SRGAP3: variants seen among roughly 807,000 people sequenced by gnomAD.
SRGAP3 encodes SLIT-ROBO Rho GTPase-activating protein 3.
In SRGAP3, 39 loss-of-function variants were observed where a neutral mutation model predicts 121.1. The ratio of observed to expected loss-of-function variants is 0.32; its 90% CI spans 0.25 to 0.42. The LOEUF is 0.42. Among genes scored for constraint, SRGAP3 ranks in the 10% least tolerant of loss-of-function variants. The probability of loss-of-function intolerance (pLI) is 1.00; values close to 1 mark genes in which losing one functional copy is unlikely to be tolerated. For synonymous variants in SRGAP3, 601 were observed against 570.0 expected, an observed-to-expected ratio of 1.05 and a Z score of -0.77; for missense variants, 1,213 against 1,470.6, an observed-to-expected ratio of 0.82 and a Z score of 2.86.
In SRGAP3 at chr3:8,992,940, T is replaced by C; in HGVS notation, c.2524A>G (p.Ile842Val). The part of the protein sequence containing the change: ...KNDLQSPTEH[I>V]SDYGFGGVMG... ...ACCCCCCCAAAGCCGTAATCCGAGA[T>C]GTGCTCCGTGGGGGACTGGAGGTCG... is the stretch of plus-strand genomic sequence containing the variant. The change falls in exon 20 of 22, where the codon ATC becomes GTC. Residue 842 changes from isoleucine to valine, a missense_variant. Around this residue, in one of 2 missense-constraint regions of SRGAP3, gnomAD observed 420 missense variants for 437.7 expected, o/e 0.96. Coordinates refer to ENST00000383836, the MANE Select transcript of SRGAP3 (RefSeq NM_014850.4). 1 of 1,614,200 alleles carries C rather than the reference T, an allele frequency of 6.2e-7. No individual in the cohort carries two copies. Among genetic ancestry groups the C allele is most frequent in the East Asian group, 2.2e-5 (1 of 44,862 alleles).
chr3:9,210,501 T>A (rs949895517), intron 1 of SRGAP3, among the ~76,000 whole-genome samples: 1 of 149,186 alleles, frequency 6.7e-6, no homozygotes, highest in Non-Finnish European at 1.5e-5. Context: ...AATAAAAATT[T>A]AAAAAATAGA....
intron 1 of SRGAP3, among the ~76,000 whole-genome samples, chr3:9,197,070 C>A (rs755708434): frequency 6.6e-6 from 1 of 152,210 alleles, no homozygotes; most frequent in East Asian, 1.9e-4. Flanking sequence ...AGAAAAGCCA[C>A]CTTCCCTTTT....
At chr3:9,041,123 T>A (rs567557618) in intron 10 of SRGAP3, among the ~76,000 whole-genome samples, 1 of 152,354 alleles carries the variant, frequency 6.6e-6, no homozygotes, top group Non-Finnish European at 1.5e-5. Context: ...TGCAGCACAA[T>A]TGTACACAGG....
At chr3:9,130,060 C>T (rs200996278) in intron 1 of SRGAP3, among the ~76,000 whole-genome samples, 2 of 152,244 alleles carry the variant, frequency 1.3e-5, no homozygotes, top group East Asian at 3.9e-4. Context: ...CCACGCCCAG[C>T]CTACTATTTC....
intron 1 of SRGAP3, among the ~76,000 whole-genome samples, chr3:9,200,953 A>T (rs1952050009): frequency 6.6e-6 from 1 of 152,164 alleles, no homozygotes; most frequent in African/African-American, 2.4e-5. Context: ...AGAGATGATC[A>T]GCTGCCAGTG....
In SRGAP3 at chr3:9,013,463, C is replaced by G; in HGVS notation, c.1992G>C (p.Met664Ile). Residue 664 changes from methionine to isoleucine, a missense_variant, in exon 17 of 22, where the codon ATG becomes ATC. Transcript: ENST00000383836. ...CAGGGTCCTGCCCATCAGGGATGTG[C>G]ATGAGGGTAGGCCCGAAGCAGATGG... ...NLAICFGPTL[M>I]HIPDGQDPVS... 6.2e-7 allele frequency: 1 copy of G among 1,614,084 alleles called. No individual in the cohort carries two copies. Among genetic ancestry groups the G allele is most frequent in the Non-Finnish European group, 8.5e-7 (1 of 1,180,024 alleles).
chr3:9,236,021 A>G (rs958754520), intron 1 of SRGAP3: 2 of 159,818 alleles, frequency 1.3e-5, no homozygotes, highest in Non-Finnish European at 2.8e-5. Flanking sequence ...GGATCTGATG[A>G]TCAGACAGGA....
At chr3:9,358,665 G>C (rs2030643910) in intron 1 of SRGAP3, among the ~76,000 whole-genome samples, 1 of 152,226 alleles carries the variant, frequency 6.6e-6, no homozygotes, top group African/African-American at 2.4e-5. Flanking sequence ...GATATCAGTT[G>C]CAAGTTTGGG....
chr3:9,330,171 T>C (rs930833636), intron 2 of SRGAP3, among the ~76,000 whole-genome samples: 1 of 152,110 alleles, frequency 6.6e-6, no homozygotes, highest in Non-Finnish European at 1.5e-5. Flanking sequence ...TTTTCCTAAG[T>C]GTGCAAGAAA....
At chr3:9,342,999 C>T (rs1955819418) in intron 1 of SRGAP3, among the ~76,000 whole-genome samples, 1 of 152,264 alleles carries the variant, frequency 6.6e-6, no homozygotes, top group Non-Finnish European at 1.5e-5. Flanking sequence ...CACCATGCCT[C>T]TTCGATCTTC....
intron 1 of SRGAP3, among the ~76,000 whole-genome samples, chr3:9,236,467 G>A (rs1391658921): frequency 6.6e-6 from 1 of 152,150 alleles, no homozygotes; most frequent in African/African-American, 2.4e-5. Context: ...GGAGGTGATT[G>A]GATCAGGGGG....
intron 2 of SRGAP3, among the ~76,000 whole-genome samples, chr3:9,105,498 T>G (rs75287541): frequency 4.1e-4 from 62 of 152,340 alleles, no homozygotes; most frequent in African/African-American, 1.4e-3. Context: ...CTGGGTGTGA[T>G]GCTGAAGCAG....
At chr3:9,205,138 C>T (rs970733530) in intron 1 of SRGAP3, among the ~76,000 whole-genome samples, 1 of 152,194 alleles carries the variant, frequency 6.6e-6, no homozygotes, top group East Asian at 1.9e-4. Context: ...GAACACTACA[C>T]CAGCGCTGTC....
At chr3:9,297,633 C>T (rs543829120) in intron 3 of SRGAP3, among the ~76,000 whole-genome samples, 8 of 152,178 alleles carry the variant, frequency 5.3e-5, no homozygotes, top group Admixed American at 1.3e-4. Flanking sequence ...CGGTGACCCA[C>T]GCCTATAATC....
intron 1 of SRGAP3, chr3:9,235,460 G>A (rs1559232490): frequency 1.3e-5 from 2 of 151,686 alleles, no homozygotes; most frequent in South Asian, 2.1e-4. Context: ...GCTGCCAGGG[G>A]TTGGGAACGA....
rs1232283684 is a variant in SRGAP3 at position 9,015,578 on chromosome 3, T to C, written c.1813+19A>G. ...ATGATTTGTCAAAAAACTGATCATT[T>C]CACCTGGGAAATACTTACTAATAGT... On this transcript the variant is annotated intron_variant, in intron 15 of 21. Transcript: ENST00000383836. The C allele has an allele frequency of 1.9e-6, 3 of 1,613,630 alleles. No individual in the cohort carries two copies. Among genetic ancestry groups the C allele is most frequent in the Non-Finnish European group, 2.5e-6 (3 of 1,179,966 alleles).
chr3:9,280,092 G>A (rs1954650112), intron 3 of SRGAP3, among the ~76,000 whole-genome samples: 1 of 152,190 alleles, frequency 6.6e-6, no homozygotes, highest in African/African-American at 2.4e-5. Flanking sequence ...ACAAGTTAAG[G>A]AAGACGGATG....
chr3:9,116,216 G>A lies in SRGAP3; in HGVS notation c.260+8509C>T, dbSNP rs570417492. Among the ~76,000 whole-genome samples the A allele has an allele frequency of 9.2e-5, 14 of 152,268 alleles. No homozygotes were observed. In the South Asian group the frequency reaches 1.9e-3, roughly 20 times the overall value. On this transcript the variant is annotated intron_variant, in intron 2 of 21. Coordinates refer to ENST00000383836, the MANE Select transcript of SRGAP3 (RefSeq NM_014850.4). ...GATGGACAGCTGTGGCTACTGGAAC[G>A]TCCTTAAGGTTGAATTGAAGTTTGC...
At chr3:9,299,377 G>C (rs886237613) in intron 3 of SRGAP3, among the ~76,000 whole-genome samples, 1 of 138,794 alleles carries the variant, frequency 7.2e-6, no homozygotes, top group African/African-American at 2.6e-5. Context: ...AAAAAAAAAA[G>C]AAAAGAAAAG....
Sources: gnomAD v4.1 joint callset for allele counts (sites outside exome capture counted in the v4.1 genomes callset) on GRCh38, gnomAD v4.1.1 for gene constraint, gnomAD v4.1.1 regional missense constraint, MANE v1.5 for transcripts, NCBI Gene and HGNC (gene_info 2026-07-23, HGNC 2026-07-21) for gene names.